Variants in CPLANE1 observed in about 807,000 individuals in gnomAD.
The protein encoded by CPLANE1 is ciliogenesis and planar polarity effector 1.
CPLANE1 carries 263 observed loss-of-function variants against 362.5 expected under a neutral mutation model. That is an observed-to-expected ratio of 0.73 (90% CI 0.66 to 0.80). CPLANE1 has a LOEUF of 0.80. Ranked by LOEUF, CPLANE1 falls within the 30% of genes least tolerant of loss-of-function variation. The pLI is 0.00. For synonymous variants in CPLANE1, 1,212 were observed against 1,302.6 expected (o/e 0.93, Z 1.50); for missense variants, 3,461 against 3,793.4 (o/e 0.91, Z 2.30).
At chr5:37,230,281 A>G (rs2150507648) in intron 9 of CPLANE1, among the ~76,000 whole-genome samples, 1 of 152,058 alleles carries the variant, frequency 6.6e-6, no homozygotes, top group East Asian at 1.9e-4. Flanking sequence ...AAGAACCGGT[A>G]TGTGAATCTT....
At position 37,184,866 on chromosome 5, in the gene CPLANE1, G is replaced by C. The variant is rs150556877; in HGVS notation, c.4403C>G (p.Ser1468Cys). 281 of 1,614,086 alleles carry C rather than the reference G, an allele frequency of 1.7e-4. No individual in the cohort carries two copies. In the African/African-American group the frequency reaches 2.5e-3, roughly 15 times the overall value. ...CGTATCTGCATCACTGTGAACCACA[G>C]AATCTCCTAGTTCTGTGAGTGTACT... ...SRSTLTELGDSVVHSDADTFS... is the reference protein window; with the variant it reads ...SRSTLTELGDCVVHSDADTFS... The change falls in exon 25 of 53, where the codon TCT (serine) becomes TGT (cysteine). Residue 1468 changes from serine (S) to cysteine (C), a missense_variant. Coordinates refer to ENST00000651892, the MANE Select transcript of CPLANE1 (RefSeq NM_001384732.1).
chr5:37,131,527 T>TA (rs201590931), intron 46 of CPLANE1, among the ~76,000 whole-genome samples: 22 of 151,742 alleles, frequency 1.4e-4, no homozygotes, highest in Non-Finnish European at 2.8e-4. Flanking sequence ...TTTTTTTTAG[T>TA]AAAAAAAAAT....
At chr5:37,079,538 G>A in the CPLANE1 span, among the ~76,000 whole-genome samples, 588 of 152,172 alleles carry the variant, frequency 3.9e-3, 2 homozygotes, top group Admixed American at 7.0e-3. Flanking sequence ...GTTGATTGCA[G>A]GCCCACATAT....
chr5:37,182,909 G>A lies in CPLANE1; in HGVS notation c.5272C>T (p.Leu1758=). ...EWMIRWSNRR[L]LCDSGITESS... ...TCAGTTATACCAGAATCACAGAGTA[G>A]CCTTCTATTAGACCACCTTATCATC... Residue 1758 remains leucine (L), a synonymous_variant, in exon 26 of 53, where the codon CTA becomes TTA. Coordinates refer to ENST00000651892, the MANE Select transcript of CPLANE1 (RefSeq NM_001384732.1). The A allele has an allele frequency of 6.2e-7, 1 of 1,606,910 alleles. No homozygotes were observed. Among genetic ancestry groups the A allele is most frequent in the South Asian group, 1.1e-5 (1 of 89,446 alleles).
Position 37,182,760 on chromosome 5 carries a change from C to T in CPLANE1, c.5421G>A (p.Lys1807=), listed in dbSNP as rs149313666. 6.4e-3 allele frequency: 10,099 copies of T among 1,582,064 alleles called. 62 individuals are homozygous for T. The highest frequency in any genetic ancestry group is 0.016 in the Middle Eastern group (98 of 5,964). ...AGTAATAAACAATTGATATGCTTAC[C>T]TTAATAATGGCATTTTTTGCCTTAT... is the stretch of plus-strand genomic sequence containing the variant. ...ATYKAKNAII[K]MVENRDTGCQ... The change falls in exon 26 of 53, where the codon AAG becomes AAA. Residue 1807 remains lysine, a splice_region_variant and synonymous_variant. Coordinates refer to ENST00000651892, the MANE Select transcript of CPLANE1 (RefSeq NM_001384732.1).
chr5:37,185,106 A>G (rs1561533160), intron 24 of CPLANE1, 27 bp from the exon 25 acceptor site: 3 of 1,565,000 alleles, frequency 1.9e-6, no homozygotes, highest in Non-Finnish European at 2.6e-6. Context: ...AAAAAGTCTT[A>G]GTGTTCATTA....
intron 49 of CPLANE1, among the ~76,000 whole-genome samples, chr5:37,120,633 C>T (rs1762367727): frequency 1.3e-5 from 2 of 152,186 alleles, no homozygotes; most frequent in Non-Finnish European, 2.9e-5. Flanking sequence ...CTTGATACTG[C>T]CTAGTCTGTA....
chr5:37,085,537 C>G, the CPLANE1 span: 2 of 816,556 alleles, frequency 2.4e-6, no homozygotes, highest in South Asian at 1.3e-5. Flanking sequence ...ACCATTCAGA[C>G]TGATTTGGAG....
At chr5:37,093,167 G>GGCAT in the CPLANE1 span, among the ~76,000 whole-genome samples, 1 of 152,184 alleles carries the variant, frequency 6.6e-6, no homozygotes, top group African/African-American at 2.4e-5. Flanking sequence ...GCATTGCTGT[G>GGCAT]GCATCTATTA....
chr5:37,122,532 ATAAT>A (rs777968527), intron 47 of CPLANE1, 44 bp from the exon 48 acceptor site: 43 of 1,447,522 alleles, frequency 3.0e-5, no homozygotes, highest in Non-Finnish European at 3.8e-5. Context: ...TTCAATCCAA[ATAAT>A]TAAACCATTA....
the CPLANE1 span, among the ~76,000 whole-genome samples, chr5:37,100,085 C>A: frequency 6.6e-6 from 1 of 152,138 alleles, no homozygotes; most frequent in African/African-American, 2.4e-5. Flanking sequence ...ATGATAGTTT[C>A]TTTTGCTGTG....
At chr5:37,158,128 T>A (rs981082893) in intron 39 of CPLANE1, 96 bp downstream of exon 39, 2 of 1,344,196 alleles carry the variant, frequency 1.5e-6, no homozygotes, top group Admixed American at 4.1e-5. Context: ...ATGAGATTTT[T>A]AACCTCATTT....
chr5:37,129,553 GA>G (rs997012863), intron 46 of CPLANE1, among the ~76,000 whole-genome samples: 7 of 150,114 alleles, frequency 4.7e-5, no homozygotes, highest in East Asian at 1.9e-4. Flanking sequence ...AAATAAGCAA[GA>G]AAAAAAAATT....
intron 33 of CPLANE1, 23 bp from the exon 34 acceptor site, chr5:37,169,584 T>C (rs1205003061): frequency 3.2e-6 from 5 of 1,549,088 alleles, no homozygotes; most frequent in Admixed American, 2.0e-5. Flanking sequence ...AAAGATATTA[T>C]GTAAGTTTAG....
In CPLANE1 at chr5:37,152,338, G is replaced by A. The variant is rs376959581; in HGVS notation, c.8373+1402C>T. On this transcript the variant is annotated intron_variant, in intron 42 of 52. Coordinates refer to ENST00000651892, the MANE Select transcript of CPLANE1 (RefSeq NM_001384732.1). ...ACTACAGGTGCACACCACCATACCC[G>A]ACTTATTATTATTTTTATGGAGATG... Among the ~76,000 whole-genome samples the A allele has an allele frequency of 3.4e-4, 51 of 151,942 alleles. 1 individual carries two copies. Among genetic ancestry groups the A allele is most frequent in the Admixed American group, 2.2e-3 (34 of 15,246 alleles).
intron 15 of CPLANE1, among the ~76,000 whole-genome samples, chr5:37,214,024 A>C (rs781407970): frequency 6.6e-6 from 1 of 152,192 alleles, no homozygotes; most frequent in Non-Finnish European, 1.5e-5. Context: ...GATTTGTGAC[A>C]ATTTGAAAAA....
At chr5:37,091,410 T>C in the CPLANE1 span, among the ~76,000 whole-genome samples, 1 of 152,138 alleles carries the variant, frequency 6.6e-6, no homozygotes. Flanking sequence ...CAGCTCACAA[T>C]TTCAACAATT....
intron 8 of CPLANE1, among the ~76,000 whole-genome samples, chr5:37,234,434 A>AAAT (rs1304600063): frequency 6.6e-6 from 1 of 151,620 alleles, no homozygotes; most frequent in East Asian, 1.9e-4. Flanking sequence ...AGGAAATATA[A>AAAT]AATACATTCA....
intron 15 of CPLANE1, among the ~76,000 whole-genome samples, chr5:37,217,260 T>C (rs1041298771): frequency 6.6e-6 from 1 of 152,202 alleles, no homozygotes; most frequent in Non-Finnish European, 1.5e-5. Context: ...ATGATAAAAG[T>C]TATTGTCACA....
Sources: allele counts gnomAD v4.1 joint callset (sites outside exome capture counted in the v4.1 genomes callset), GRCh38; gene constraint gnomAD v4.1.1; transcripts MANE v1.5; gene names NCBI Gene and HGNC (gene_info 2026-07-23, HGNC 2026-07-21).